EXD2: variants seen among roughly 807,000 people sequenced by gnomAD.
EXD2 encodes exonuclease 3'-5' domain-containing protein 2.
In EXD2, 40 loss-of-function variants were observed where a neutral mutation model predicts 62.5. The observed-to-expected ratio is 0.64, with a 90% confidence interval of 0.50 to 0.83. The LOEUF is 0.83. Among genes scored for constraint, EXD2 ranks in the 40% least tolerant of loss-of-function variants. The pLI is 0.00. For missense variants in EXD2, 671 were observed against 761.8 expected (o/e 0.88, Z 1.40); for synonymous variants, 239 against 291.9 (o/e 0.82, Z 1.85).
intron 5 of EXD2, among the ~76,000 whole-genome samples, chr14:69,233,634 T>A (rs2043666158): frequency 6.6e-6 from 1 of 151,780 alleles, no homozygotes; most frequent in Non-Finnish European, 1.5e-5. Context: ...AGAGATGGGG[T>A]TTCCCCATGT....
At chr14:69,233,984 T>C (rs2043682231) in intron 5 of EXD2, among the ~76,000 whole-genome samples, 1 of 151,762 alleles carries the variant, frequency 6.6e-6, no homozygotes, top group African/African-American at 2.4e-5. Flanking sequence ...CCAGGCTGGT[T>C]TCGAACTCCT....
chr14:69,199,930 T>C (rs2042334761), intron 1 of EXD2, among the ~76,000 whole-genome samples: 1 of 152,238 alleles, frequency 6.6e-6, no homozygotes, highest in African/African-American at 2.4e-5. Flanking sequence ...TTATCAGGTA[T>C]GTGCTATACA....
chr14:69,231,132 T>A (rs935782212), intron 5 of EXD2, among the ~76,000 whole-genome samples: 3 of 152,116 alleles, frequency 2.0e-5, no homozygotes, highest in African/African-American at 4.8e-5. Flanking sequence ...GGATTTTTTT[T>A]ATGAATACAA....
intron 3 of EXD2, among the ~76,000 whole-genome samples, chr14:69,211,737 G>A (rs1283034591): frequency 1.3e-5 from 2 of 152,164 alleles, no homozygotes; most frequent in African/African-American, 2.4e-5. Flanking sequence ...TAAGTGGTAA[G>A]CTCTAGCAGA....
intron 3 of EXD2, among the ~76,000 whole-genome samples, chr14:69,226,783 T>G (rs988597869): frequency 9.2e-5 from 14 of 152,202 alleles, no homozygotes; most frequent in Middle Eastern, 3.4e-3. Context: ...GTTTTTTTTT[T>G]TTTTTTTTTA....
At chr14:69,202,117 C>T (rs1347140221) in intron 1 of EXD2, among the ~76,000 whole-genome samples, 1 of 152,048 alleles carries the variant, frequency 6.6e-6, no homozygotes, top group African/African-American at 2.4e-5. Context: ...CTGGCGAAAC[C>T]CCGTTTCTAC....
At chr14:69,235,536 A>G (rs180697795) in intron 6 of EXD2, 13 of 207,004 alleles carry the variant, frequency 6.3e-5, no homozygotes, top group African/African-American at 9.5e-5. Context: ...TTATTCCTCT[A>G]TTGTAGGAAG....
At chr14:69,239,177 C>T (rs1342807475) in intron 9 of EXD2, 2 of 152,186 alleles carry the variant, frequency 1.3e-5, no homozygotes, top group African/African-American at 2.4e-5. Flanking sequence ...CCTCCTTCTC[C>T]ATGAGTACAT....
chr14:69,206,459 T>TTTTTTTTTTTG (rs2042603421), intron 2 of EXD2, among the ~76,000 whole-genome samples: 1 of 42,014 alleles, frequency 2.4e-5, no homozygotes, highest in Non-Finnish European at 4.4e-5. Flanking sequence ...CACCCACTTT[T>TTTTTTTTTTTG]TTTTTTTTTT....
chr14:69,195,666 T>C (rs1312310563), intron 1 of EXD2, among the ~76,000 whole-genome samples: 2 of 152,150 alleles, frequency 1.3e-5, no homozygotes, highest in Non-Finnish European at 2.9e-5. Flanking sequence ...CAATTAGAAG[T>C]CAGTCCCTAT....
chr14:69,196,869 C>G (rs1471222064), intron 1 of EXD2, among the ~76,000 whole-genome samples: 2 of 152,048 alleles, frequency 1.3e-5, no homozygotes, highest in Admixed American at 1.3e-4. Context: ...GTGATCCTCC[C>G]ACCTTGGATC....
At chr14:69,204,824 A>C (rs1282614679) in intron 2 of EXD2, among the ~76,000 whole-genome samples, 1 of 152,212 alleles carries the variant, frequency 6.6e-6, no homozygotes, top group African/African-American at 2.4e-5. Context: ...TTATCATACA[A>C]ATGTTAACAT....
Position 69,206,454 on chromosome 14 carries a change from A to AC in EXD2, c.-48+2455dup, listed in dbSNP as rs532992975. 1.1e-3 allele frequency among the ~76,000 whole-genome samples: 33 copies of AC among 30,460 alleles called. 6 individuals are homozygous for AC. The highest frequency in any genetic ancestry group is 5.4e-3 in the African/African-American group (23 of 4,280). 20.0% of individuals were successfully genotyped at this position (30,460 alleles called of 152,430 possible). A position where few individuals can be genotyped will look rare whatever the true frequency, so the allele number is the denominator to read the frequency against. On this transcript the variant is annotated intron_variant, in intron 2 of 9. Coordinates refer to ENST00000685843, the MANE Select transcript of EXD2 (RefSeq NM_001193360.2). ...GCCCAGCTTCATCTCCCACCCACCC[A>AC]CTTTTTTTTTTTTTTTTTTTTTTTT...
At chr14:69,200,634 A>C (rs1480107184) in intron 1 of EXD2, among the ~76,000 whole-genome samples, 1 of 151,848 alleles carries the variant, frequency 6.6e-6, no homozygotes, top group East Asian at 1.9e-4. Context: ...GCTTGAGCTC[A>C]GGAGGTGGAG....
intron 3 of EXD2, among the ~76,000 whole-genome samples, chr14:69,227,600 C>A (rs1469160023): frequency 6.6e-6 from 1 of 152,156 alleles, no homozygotes; most frequent in Admixed American, 6.5e-5. Flanking sequence ...GTAATCCCAG[C>A]ACTCTGGAAG....
chr14:69,197,593 CTCTGGTAGTCCCCAGTG>C (rs2042250395), intron 1 of EXD2, among the ~76,000 whole-genome samples: 1 of 152,088 alleles, frequency 6.6e-6, no homozygotes, highest in South Asian at 2.1e-4. Context: ...TTCCCCTCCC[CTCTGGTAGTCCCCAGTG>C]TCTGTTGTTC....
At chr14:69,224,890 A>G (rs1294178826) in intron 3 of EXD2, among the ~76,000 whole-genome samples, 1 of 152,122 alleles carries the variant, frequency 6.6e-6, no homozygotes, top group Non-Finnish European at 1.5e-5. Context: ...GAGGCAGGAG[A>G]ATCACTTGAA....
intron 3 of EXD2, among the ~76,000 whole-genome samples, chr14:69,228,533 G>A (rs960318963): frequency 6.6e-6 from 1 of 152,080 alleles, no homozygotes; most frequent in Admixed American, 6.6e-5. Flanking sequence ...ATGACTGCCA[G>A]TGTATGTCCC....
chr14:69,193,418 G>T (rs2042100942), intron 1 of EXD2, among the ~76,000 whole-genome samples: 1 of 152,058 alleles, frequency 6.6e-6, no homozygotes, highest in Admixed American at 6.6e-5. Context: ...CAATCTGATG[G>T]ATGGAAAAGT....
Sources: gnomAD v4.1 joint callset for allele counts (sites outside exome capture counted in the v4.1 genomes callset) on GRCh38, gnomAD v4.1.1 for gene constraint, MANE v1.5 for transcripts, NCBI Gene and HGNC (gene_info 2026-07-23, HGNC 2026-07-21) for gene names.